IZUMO3: variants seen among roughly 807,000 people sequenced by gnomAD.
The protein encoded by IZUMO3 is IZUMO family member 3.
IZUMO3 carries 36 observed loss-of-function variants against 28.4 expected under a neutral mutation model. That is an observed-to-expected ratio of 1.27 (90% confidence interval 0.97 to 1.67). IZUMO3 has a LOEUF of 1.67. IZUMO3 is among the 40% of genes most tolerant of loss of function. IZUMO3 has a pLI of 0.00. For synonymous variants in IZUMO3, 126 were observed against 99.2 expected, an observed-to-expected ratio of 1.27 and a Z score of -1.61; for missense variants, 387 against 278.5, an observed-to-expected ratio of 1.39 and a Z score of -2.77.
Position 24,545,225 on chromosome 9 carries a change from A to C in IZUMO3, c.288T>G (p.Asn96Lys). The C allele has an allele frequency of 1.9e-6, 3 of 1,550,112 alleles. No homozygotes were observed. The highest frequency in any genetic ancestry group is 2.6e-6 in the Non-Finnish European group (3 of 1,146,586). The change falls in exon 2 of 7, where the codon AAT (asparagine) becomes AAG (lysine). Residue 96 changes from asparagine (N) to lysine (K), a missense_variant. Coordinates refer to ENST00000543880, the MANE Select transcript of IZUMO3 (RefSeq NM_001365008.2). The part of the protein sequence containing the change: ...WLKNEFYKLG[N>K]ETWKGVFIYQ... ...ACAGTACCTCACCTTTCCATGTTTCATTGCCCAGTTTATAAAATTCATTCT... is the reference window on the plus strand; with the variant it reads ...ACAGTACCTCACCTTTCCATGTTTCCTTGCCCAGTTTATAAAATTCATTCT...
At position 24,543,049 on chromosome 9, in the gene IZUMO3, C is replaced by T; in HGVS notation, c.*180G>A. On this transcript the variant is annotated 3_prime_UTR_variant, in exon 7 of 7. Transcript: ENST00000543880. Reference sequence around the variant, plus strand: ...TACAACTCTGGCCAAATTATTTGCTCTCCCATTACTTCCGTTGTCTCAGGA... The same window carrying T: ...TACAACTCTGGCCAAATTATTTGCTTTCCCATTACTTCCGTTGTCTCAGGA... The T allele has an allele frequency of 2.0e-6, 1 of 492,612 alleles. No homozygotes were observed. The allele number at this position is 492,612 out of a possible 1,614,324, so 30.5% of individuals were successfully genotyped here.
intron 4 of IZUMO3, 123 bp from the exon 5 acceptor site, chr9:24,544,404 T>C: frequency 1.4e-6 from 1 of 732,788 alleles, no homozygotes; most frequent in Non-Finnish European, 2.3e-6. Context: ...TGCATTGCTG[T>C]GAATTTCTTC....
rs7862408 is a variant in IZUMO3, at chr9:24,544,114, C to T, written c.490+87G>A. On this transcript the variant is annotated intron_variant, in intron 5 of 6. Coordinates refer to ENST00000543880, the MANE Select transcript of IZUMO3 (RefSeq NM_001365008.2). Reference sequence around the variant, plus strand: ...CCTCCATTAAAGGTCATGTAGTGACCCAACAAATACATGTAGAATAAATCA... The same window carrying T: ...CCTCCATTAAAGGTCATGTAGTGACTCAACAAATACATGTAGAATAAATCA... 7.0e-5 allele frequency: 64 copies of T among 919,514 alleles called. No homozygotes were observed. The African/African-American group carries it at 8.5e-4, about 12-fold the overall frequency. 57.0% of individuals were successfully genotyped at this position (919,514 alleles called of 1,614,324 possible).
Position 24,543,315 on chromosome 9 carries a change from G to T in IZUMO3, c.634C>A (p.Leu212Ile), listed in dbSNP as rs1168774119. 4 of 1,548,234 alleles carry T rather than the reference G, an allele frequency of 2.6e-6. No homozygotes were observed. The Admixed American group carries it at 7.9e-5, about 30-fold the overall frequency. ...RRKMKAIRRS[L>I]KEYVEKKLEE... is the part of the protein sequence containing the mutation. ...AGTTTCTTCTCCACATATTCCTTTAGCGACCTTCGTATTGCCTTCATTTTC... is the reference window on the plus strand; with the variant it reads ...AGTTTCTTCTCCACATATTCCTTTATCGACCTTCGTATTGCCTTCATTTTC... Residue 212 changes from leucine (L) to isoleucine (I), a missense_variant, in exon 7 of 7, where the codon CTA becomes ATA. Coordinates refer to ENST00000543880, the MANE Select transcript of IZUMO3 (RefSeq NM_001365008.2).
chr9:24,543,753 G>A lies in IZUMO3; in HGVS notation c.492C>T (p.Asp164=), dbSNP rs570228543. ...GATTCTCAGCCTTTCTTGGATCCTC[G>A]TCTGGAAGGAGAAACAGGAAAATAT... ...NRCFKGEYCG[D]EDPRKAENRE... is the part of the protein sequence containing the mutation. Residue 164 remains aspartate (D), a splice_region_variant and synonymous_variant, in exon 6 of 7, where the codon GAC becomes GAT. Coordinates refer to ENST00000543880, the MANE Select transcript of IZUMO3 (RefSeq NM_001365008.2). 1.2e-5 allele frequency: 18 copies of A among 1,540,786 alleles called. No individual in the cohort carries two copies. The highest frequency in any genetic ancestry group is 1.7e-4 in the Middle Eastern group (1 of 5,976).
intron 4 of IZUMO3, among the ~76,000 whole-genome samples, 191 bp from the exon 5 acceptor site, chr9:24,544,472 A>T (rs188501085): frequency 9.7e-4 from 148 of 152,274 alleles, no homozygotes; most frequent in African/African-American, 3.4e-3. Flanking sequence ...ATCTCCAGGA[A>T]AAAGCGGGAA....
chr9:24,543,599 A>C, intron 6 of IZUMO3, 65 bp downstream of exon 6: 2 of 1,212,394 alleles, frequency 1.6e-6, no homozygotes, highest in Non-Finnish European at 2.4e-6. Flanking sequence ...GGAAGAGGGA[A>C]TTTGGGCAGT....
At chr9:24,544,510 A>G (rs374071840) in intron 4 of IZUMO3, among the ~76,000 whole-genome samples, 10 of 152,126 alleles carry the variant, frequency 6.6e-5, no homozygotes, top group African/African-American at 1.7e-4. Context: ...TACTGGGGCA[A>G]TGGGTTGTAA....
Position 24,543,923 on chromosome 9 carries a change from C to T in IZUMO3, c.491-169G>A, listed in dbSNP as rs1384223102. 2.0e-5 allele frequency among the ~76,000 whole-genome samples: 3 copies of T among 152,146 alleles called. No individual in the cohort carries two copies. In the East Asian group the frequency reaches 5.8e-4, roughly 29 times the overall value. On this transcript the variant is annotated intron_variant, in intron 5 of 6. Transcript: ENST00000543880. Reference sequence around the variant, plus strand: ...ATTACTTTTAGTCTCCTAGGTTCTACAAAACTGTTGCTGATAGCTGTCAGC... The same window carrying T: ...ATTACTTTTAGTCTCCTAGGTTCTATAAAACTGTTGCTGATAGCTGTCAGC...
At chr9:24,544,600 G>A (rs1033902934) in intron 4 of IZUMO3, 143 bp downstream of exon 4, 3 of 723,360 alleles carry the variant, frequency 4.1e-6, no homozygotes, top group Non-Finnish European at 7.0e-6. Context: ...TCGTTATCAG[G>A]TATTGTTGAC....
At position 24,545,067 on chromosome 9, in the gene IZUMO3, A is replaced by G. The variant is rs1388401578; in HGVS notation, c.302-6T>C. On this transcript the variant is annotated splice_polypyrimidine_tract_variant and splice_region_variant and intron_variant, in intron 2 of 6. Coordinates refer to ENST00000543880, the MANE Select transcript of IZUMO3 (RefSeq NM_001365008.2). The stretch of plus-strand genomic sequence containing the variant: ...GCCTTGATAGATAAAGACACCTAAG[A>G]GGGAGTGGAAGGGGTGTCAAAAAAT... 2 of 1,528,948 alleles carry G rather than the reference A, an allele frequency of 1.3e-6. No homozygotes were observed. Among genetic ancestry groups the G allele is most frequent in the Non-Finnish European group, 1.8e-6 (2 of 1,127,198 alleles). 94.7% of individuals were successfully genotyped at this position (1,528,948 alleles called of 1,614,324 possible).
In IZUMO3 at chr9:24,543,379, A is replaced by G; in HGVS notation, c.582-12T>C. On this transcript the variant is annotated splice_polypyrimidine_tract_variant and intron_variant, in intron 6 of 6. Coordinates refer to ENST00000543880, the MANE Select transcript of IZUMO3 (RefSeq NM_001365008.2). Reference sequence around the variant, plus strand: ...TGCAAAAATGGAATCTAGAGTAGGAAAAGAAAATAATTCCAACTTCAATAT... The same window carrying G: ...TGCAAAAATGGAATCTAGAGTAGGAGAAGAAAATAATTCCAACTTCAATAT... The G allele has an allele frequency of 6.5e-7, 1 of 1,535,638 alleles. No homozygotes were observed. Among genetic ancestry groups the G allele is most frequent in the Non-Finnish European group, 8.8e-7 (1 of 1,140,682 alleles).
In IZUMO3 at chr9:24,543,329, G is replaced by A. The variant is rs1587168254; in HGVS notation, c.620C>T (p.Ala207Val). Residue 207 changes from alanine (A) to valine (V), a missense_variant, in exon 7 of 7, where the codon GCA becomes GTA. By Grantham distance (64) the Ala-to-Val change is moderately conservative. Coordinates refer to ENST00000543880, the MANE Select transcript of IZUMO3 (RefSeq NM_001365008.2). Reference protein sequence around the residue: ...FCIFHRRKMKAIRRSLKEYVE... With the variant: ...FCIFHRRKMKVIRRSLKEYVE... The stretch of plus-strand genomic sequence containing the variant: ...ATATTCCTTTAGCGACCTTCGTATT[G>A]CCTTCATTTTCCTCCGATGAAAGAT... The A allele has an allele frequency of 1.9e-6, 3 of 1,543,998 alleles. No homozygotes were observed. The highest frequency in any genetic ancestry group is 2.6e-6 in the Non-Finnish European group (3 of 1,144,594).
Position 24,544,268 on chromosome 9 carries a change from A to T in IZUMO3, c.423T>A (p.Gly141=). 2 of 1,549,374 alleles carry T rather than the reference A, an allele frequency of 1.3e-6. No individual in the cohort carries two copies. The highest frequency in any genetic ancestry group is 1.7e-6 in the Non-Finnish European group (2 of 1,145,822). ...ACSEDCIVVE[G]PILDCWTCLR... ...GACACGTCCAACAATCAAGAATGGG[A>T]CCTTCAACCACAACTGATAAAGAGG... The change falls in exon 5 of 7, where the codon GGT becomes GGA. Residue 141 remains glycine (G), a synonymous_variant. Transcript: ENST00000543880.
Position 24,544,286 on chromosome 9 carries a change from TAAAGA to T in IZUMO3, c.410-10_410-6del. On this transcript the variant is annotated splice_region_variant and splice_polypyrimidine_tract_variant and intron_variant, in intron 4 of 6. Transcript: ENST00000543880. ...GAATGGGACCTTCAACCACAACTGATAAAGAGGAGAAGAAAGATAATCAGAAAGAG... is the reference window on the plus strand; with the variant it reads ...GAATGGGACCTTCAACCACAACTGATGGAGAAGAAAGATAATCAGAAAGAG... 6.5e-7 allele frequency: 1 copy of T among 1,544,270 alleles called. No individual in the cohort carries two copies. Among genetic ancestry groups the T allele is most frequent in the South Asian group, 1.2e-5 (1 of 83,910 alleles).
At chr9:24,544,535 G>A (rs972804988) in intron 4 of IZUMO3, among the ~76,000 whole-genome samples, 2 of 152,082 alleles carry the variant, frequency 1.3e-5, no homozygotes, top group African/African-American at 4.8e-5. Flanking sequence ...TATGTTAGAA[G>A]GCCTCCTAGT....
rs141817830 is a variant in IZUMO3, at chr9:24,543,256, C to T, written c.693G>A (p.Glu231=). Residue 231 remains glutamate (E), a synonymous_variant, in exon 7 of 7, where the codon GAG becomes GAA. Coordinates refer to ENST00000543880, the MANE Select transcript of IZUMO3 (RefSeq NM_001365008.2). ...ATTTTCTGAGTCTAAAGTCTTTCTC[C>T]TCCTTCTCATCTATCTTCCCCATTA... ...EELMGKIDEK[E]EKDFRLRK 580 of 1,546,098 alleles carry T rather than the reference C, an allele frequency of 3.8e-4. No homozygotes were observed. The highest frequency in any genetic ancestry group is 4.8e-4 in the Non-Finnish European group (554 of 1,144,726).
chr9:24,545,194 A>T lies in IZUMO3; in HGVS notation c.301+18T>A. 6.5e-7 allele frequency: 1 copy of T among 1,546,922 alleles called. No individual in the cohort carries two copies. The highest frequency in any genetic ancestry group is 2.4e-5 in the East Asian group (1 of 40,878). On this transcript the variant is annotated intron_variant, in intron 2 of 6. Coordinates refer to ENST00000543880, the MANE Select transcript of IZUMO3 (RefSeq NM_001365008.2). Reference sequence around the variant, plus strand: ...TGCTTGAGCAATACAAACTTTTAACATTGAAACAGTACCTCACCTTTCCAT... The same window carrying T: ...TGCTTGAGCAATACAAACTTTTAACTTTGAAACAGTACCTCACCTTTCCAT...
chr9:24,544,373 C>A, intron 4 of IZUMO3, 92 bp from the exon 5 acceptor site: 1 of 904,830 alleles, frequency 1.1e-6, no homozygotes, highest in Non-Finnish European at 1.8e-6. Context: ...TGATCTCAAG[C>A]ATTCCCAGGA....
Sources: gnomAD v4.1 joint callset for allele counts (sites outside exome capture counted in the v4.1 genomes callset) on GRCh38, gnomAD v4.1.1 for gene constraint, MANE v1.5 for transcripts, NCBI Gene and HGNC (gene_info 2026-07-23, HGNC 2026-07-21) for gene names.